GAL3ST1: variants seen among roughly 807,000 people sequenced by gnomAD.
GAL3ST1 encodes the protein galactose-3-O-sulfotransferase 1, also known as galactosylceramide sulfotransferase.
A neutral mutation model predicts 25.0 loss-of-function variants in GAL3ST1; 13 were observed. That is an observed-to-expected ratio of 0.52 (90% CI 0.34 to 0.83). The LOEUF is 0.83. Among genes scored for constraint, GAL3ST1 ranks in the 40% least tolerant of loss-of-function variants. The pLI is 0.02. For synonymous variants in GAL3ST1, 274 were observed against 277.8 expected, an observed-to-expected ratio of 0.99 and a Z score of 0.14; for missense variants, 474 against 613.6, an observed-to-expected ratio of 0.77 and a Z score of 2.40.
intron 1 of GAL3ST1, among the ~76,000 whole-genome samples, chr22:30,559,910 G>A (rs1415546915): frequency 6.6e-6 from 1 of 152,230 alleles, no homozygotes; most frequent in Non-Finnish European, 1.5e-5. Context: ...ACTGCGCCCT[G>A]GGCCCCTGAG....
chr22:30,566,348 T>C (rs1242640306), intron 1 of GAL3ST1, among the ~76,000 whole-genome samples: 2 of 152,242 alleles, frequency 1.3e-5, no homozygotes, highest in Admixed American at 1.3e-4. Flanking sequence ...ACGGTCCACT[T>C]CTGTGCTTGG....
At chr22:30,570,825 T>C (rs1162494495) in intron 1 of GAL3ST1, among the ~76,000 whole-genome samples, 1 of 151,564 alleles carries the variant, frequency 6.6e-6, no homozygotes, top group Non-Finnish European at 1.5e-5. Flanking sequence ...AAGCCTGGAA[T>C]GCACTGTTTA....
At chr22:30,557,449 G>T in intron 2 of GAL3ST1, 48 bp from the exon 3 acceptor site, 1 of 1,608,260 alleles carries the variant, frequency 6.2e-7, no homozygotes, top group South Asian at 1.1e-5. Context: ...GCTGGCCCCA[G>T]GGAGCCCCCA....
At chr22:30,559,134 G>C (rs1171628944) in intron 1 of GAL3ST1, among the ~76,000 whole-genome samples, 1 of 151,844 alleles carries the variant, frequency 6.6e-6, no homozygotes, top group Non-Finnish European at 1.5e-5. Context: ...TTCCTGCCTG[G>C]GTGACAGAGT....
chr22:30,571,813 G>A (rs1438109940), intron 1 of GAL3ST1, among the ~76,000 whole-genome samples: 8 of 152,144 alleles, frequency 5.3e-5, no homozygotes, highest in Non-Finnish European at 7.4e-5. Context: ...GCAGTGAGCC[G>A]AGATTGCACC....
intron 1 of GAL3ST1, chr22:30,563,379 A>G (rs1162015322): frequency 6.6e-6 from 1 of 151,782 alleles, no homozygotes; most frequent in South Asian, 2.1e-4. Flanking sequence ...ACTTTGAAAG[A>G]CAGACACAGG....
intron 1 of GAL3ST1, among the ~76,000 whole-genome samples, chr22:30,563,808 C>T (rs1227638127): frequency 6.7e-6 from 1 of 150,112 alleles, no homozygotes; most frequent in South Asian, 2.1e-4. Flanking sequence ...CCCAGCTACT[C>T]AGGAGGCTGA....
At chr22:30,569,105 T>C (rs994179056) in intron 1 of GAL3ST1, among the ~76,000 whole-genome samples, 3 of 144,978 alleles carry the variant, frequency 2.1e-5, no homozygotes, top group African/African-American at 7.7e-5. Context: ...AAGAGGGACA[T>C]GCAGGGCTTT....
At chr22:30,572,394 C>A (rs1045688132) in intron 1 of GAL3ST1, among the ~76,000 whole-genome samples, 2 of 152,216 alleles carry the variant, frequency 1.3e-5, no homozygotes, top group Non-Finnish European at 2.9e-5. Context: ...CCACCACCCC[C>A]CAAGCTGGGT....
At chr22:30,561,282 A>G (rs758834194) in intron 1 of GAL3ST1, among the ~76,000 whole-genome samples, 38 of 152,184 alleles carry the variant, frequency 2.5e-4, no homozygotes, top group Non-Finnish European at 4.7e-4. Flanking sequence ...GGCCCCTGCC[A>G]CACGTGCTGG....
chr22:30,568,478 C>T (rs371659482), intron 1 of GAL3ST1, among the ~76,000 whole-genome samples: 1 of 152,254 alleles, frequency 6.6e-6, no homozygotes, highest in South Asian at 2.1e-4. Flanking sequence ...TGGGCATGGG[C>T]GGAGCTGGGA....
chr22:30,572,962 C>T (rs1250222433), intron 1 of GAL3ST1: 1 of 152,248 alleles, frequency 6.6e-6, no homozygotes, highest in African/African-American at 2.4e-5. Flanking sequence ...ACACTCCTCC[C>T]TTGCTGGGCG....
At chr22:30,566,059 C>CT (rs1484069612) in intron 1 of GAL3ST1, 1 of 152,386 alleles carries the variant, frequency 6.6e-6, no homozygotes, top group Non-Finnish European at 1.5e-5. Context: ...CTGAGTCCCC[C>CT]TTTCCCTCAA....
chr22:30,571,564 G>A (rs143548235), intron 1 of GAL3ST1, among the ~76,000 whole-genome samples: 5 of 152,250 alleles, frequency 3.3e-5, no homozygotes, highest in Non-Finnish European at 7.4e-5. Flanking sequence ...TCTCTCTGCT[G>A]TTTCAAAGGG....
At chr22:30,556,511 C>G (rs1370609778) in intron 3 of GAL3ST1, among the ~76,000 whole-genome samples, 1 of 152,156 alleles carries the variant, frequency 6.6e-6, no homozygotes, top group Non-Finnish European at 1.5e-5. Context: ...CAGCTACAGG[C>G]TGTGCTGGGT....
At chr22:30,573,484 C>T (rs950465436) in intron 1 of GAL3ST1, among the ~76,000 whole-genome samples, 1 of 152,226 alleles carries the variant, frequency 6.6e-6, no homozygotes, top group Admixed American at 6.5e-5. Context: ...TCCAGGACTG[C>T]CCTCCTGTGC....
In GAL3ST1 at chr22:30,561,536, C is replaced by G. The variant is rs1190335761; in HGVS notation, c.-119-3148G>C. On this transcript the variant is annotated intron_variant, in intron 1 of 3. Coordinates refer to ENST00000406361, the MANE Select transcript of GAL3ST1 (RefSeq NM_001318104.2). ...GTCATTCAGCAAAGCGGGGGCAGGG[C>G]TGGAATTAGAGCCCAGGTCTATGGA... 6.6e-5 allele frequency among the ~76,000 whole-genome samples: 10 copies of G among 152,194 alleles called. No homozygotes were observed. In the East Asian group the frequency reaches 1.5e-3, roughly 23 times the overall value.
At chr22:30,560,475 AGGCCCGGGG>A (rs1288250409) in intron 1 of GAL3ST1, 2 of 152,146 alleles carry the variant, frequency 1.3e-5, no homozygotes, top group African/African-American at 2.4e-5. Flanking sequence ...ACCCCTCCTG[AGGCCCGGGG>A]GGCCTGCCTT....
intron 1 of GAL3ST1, among the ~76,000 whole-genome samples, chr22:30,563,508 G>A (rs2086514642): frequency 6.6e-6 from 1 of 151,960 alleles, no homozygotes; most frequent in Non-Finnish European, 1.5e-5. Flanking sequence ...CCCAGCTACT[G>A]GGGAGGCTGA....
Sources: gnomAD v4.1 joint callset for allele counts (sites outside exome capture counted in the v4.1 genomes callset) on GRCh38, gnomAD v4.1.1 for gene constraint, MANE v1.5 for transcripts, NCBI Gene and HGNC (gene_info 2026-07-23, HGNC 2026-07-21) for gene names.